METTL24: variants seen among roughly 807,000 people sequenced by gnomAD.
The protein encoded by METTL24 is methyltransferase like 24, also known as probable methyltransferase-like protein 24.
In METTL24, 29 loss-of-function variants were observed where a neutral mutation model predicts 32.7. The observed-to-expected ratio is 0.89, with a 90% CI of 0.66 to 1.21. The LOEUF is 1.21. Among genes scored for constraint, METTL24 ranks in the 50% most tolerant of loss-of-function variants. The pLI, the probability that METTL24 is intolerant of heterozygous loss-of-function variation, is 0.00. For missense variants in METTL24, 439 were observed against 468.1 expected, an observed-to-expected ratio of 0.94 and a Z score of 0.57; for synonymous variants, 163 against 179.5, an observed-to-expected ratio of 0.91 and a Z score of 0.73.
chr6:110,321,678 C>T (rs568599822), intron 2 of METTL24, among the ~76,000 whole-genome samples: 2 of 152,344 alleles, frequency 1.3e-5, no homozygotes, highest in South Asian at 4.1e-4. Context: ...ACTAATTCAA[C>T]AGCCCATCAC....
intron 1 of METTL24, among the ~76,000 whole-genome samples, chr6:110,327,373 G>T (rs114659667): frequency 0.011 from 1,612 of 152,260 alleles, 30 homozygotes; most frequent in African/African-American, 0.037. Flanking sequence ...GATCTTAAGG[G>T]TCCACAAATA....
At position 110,274,407 on chromosome 6, in the gene METTL24, GA is replaced by G. The variant is rs1771009039; in HGVS notation, c.786+24514del. Among the ~76,000 whole-genome samples the G allele has an allele frequency of 2.0e-5, 3 of 152,260 alleles. No homozygotes were observed. The South Asian group carries it at 6.2e-4, about 32-fold the overall frequency. On this transcript the variant is annotated intron_variant, in intron 4 of 4. Transcript: ENST00000338882. ...CATTATTCTAAATGAAGTAACTCAG[GA>G]ATGGAAAACCAAACATCAGATGTTC...
At chr6:110,275,315 T>C (rs1414074063) in intron 4 of METTL24, among the ~76,000 whole-genome samples, 2 of 152,108 alleles carry the variant, frequency 1.3e-5, no homozygotes, top group African/African-American at 2.4e-5. Flanking sequence ...TCTTGCCTCA[T>C]GTCCTTGCTC....
chr6:110,291,742 G>A (rs1234282499), intron 4 of METTL24, among the ~76,000 whole-genome samples: 2 of 151,912 alleles, frequency 1.3e-5, no homozygotes, highest in African/African-American at 2.4e-5. Context: ...CCCCTCTATG[G>A]GTCCATATGT....
In METTL24 at chr6:110,315,478, C is replaced by T. The variant is rs1415948009; in HGVS notation, c.421G>A (p.Ala141Thr). The T allele has an allele frequency of 1.2e-6, 2 of 1,613,754 alleles. No individual in the cohort carries two copies. The highest frequency in any genetic ancestry group is 1.7e-6 in the Non-Finnish European group (2 of 1,179,882). ...CTGTCTGTATTCATGTGATTGCATGCAATCTGTAAAGATTGGAAATCAATG... is the reference window on the plus strand; with the variant it reads ...CTGTCTGTATTCATGTGATTGCATGTAATCTGTAAAGATTGGAAATCAATG... ...FLRYISTTQI[A>T]CNHMNTDSLA... The change falls in exon 3 of 5, where the codon GCA becomes ACA. Residue 141 changes from alanine (A) to threonine (T), a missense_variant. Ala to Thr is a moderately conservative substitution (Grantham distance 58). Coordinates refer to ENST00000338882, the MANE Select transcript of METTL24 (RefSeq NM_001123364.3).
intron 3 of METTL24, among the ~76,000 whole-genome samples, chr6:110,301,140 G>C (rs1419503904): frequency 6.6e-6 from 1 of 152,148 alleles, no homozygotes; most frequent in Non-Finnish European, 1.5e-5. Flanking sequence ...TCAGCCCTCT[G>C]ATGTCCCTCC....
intron 1 of METTL24, among the ~76,000 whole-genome samples, chr6:110,354,175 A>G (rs975919760): frequency 1.3e-5 from 2 of 152,220 alleles, no homozygotes; most frequent in African/African-American, 4.8e-5. Context: ...CTTGAAGATT[A>G]GAACCCCTGA....
intron 1 of METTL24, among the ~76,000 whole-genome samples, chr6:110,354,910 AAACTT>A (rs1297737091): frequency 2.6e-5 from 4 of 152,244 alleles, no homozygotes; most frequent in Non-Finnish European, 5.9e-5. Flanking sequence ...AGGAGACTAA[AAACTT>A]AATATTTTAG....
At position 110,328,327 on chromosome 6, in the gene METTL24, C is replaced by A. The variant is rs866728079; in HGVS notation, c.319-5455G>T. On this transcript the variant is annotated intron_variant, in intron 1 of 4. Coordinates refer to ENST00000338882, the MANE Select transcript of METTL24 (RefSeq NM_001123364.3). ...CAGACAATGTGCATTGAAAAGTGAG[C>A]AGGCTTCTTCTAATGAGAGGCAAAT... 2.0e-5 allele frequency among the ~76,000 whole-genome samples: 3 copies of A among 152,216 alleles called. No individual in the cohort carries two copies. In the South Asian group the frequency reaches 6.2e-4, roughly 31 times the overall value.
chr6:110,317,112 T>G (rs1247243638), intron 2 of METTL24, among the ~76,000 whole-genome samples: 1 of 152,190 alleles, frequency 6.6e-6, no homozygotes, highest in Admixed American at 6.5e-5. Flanking sequence ...CTGGTAGGAT[T>G]TGGACATCTC....
chr6:110,249,870 C>A (rs1359801139), intron 4 of METTL24, among the ~76,000 whole-genome samples: 1 of 152,022 alleles, frequency 6.6e-6, no homozygotes, highest in Non-Finnish European at 1.5e-5. Context: ...GGTGAAACAA[C>A]TTAATTGGTA....
intron 1 of METTL24, among the ~76,000 whole-genome samples, chr6:110,327,710 G>A (rs985426487): frequency 6.6e-6 from 1 of 152,124 alleles, no homozygotes; most frequent in African/African-American, 2.4e-5. Flanking sequence ...ATCAACATTT[G>A]TCCTTCCCAA....
At chr6:110,339,653 A>G (rs557232025) in intron 1 of METTL24, among the ~76,000 whole-genome samples, 26 of 152,312 alleles carry the variant, frequency 1.7e-4, no homozygotes, top group African/African-American at 6.3e-4. Flanking sequence ...ACACACAACA[A>G]AAGATTGGCA....
chr6:110,273,557 C>T (rs1261368478), intron 4 of METTL24, among the ~76,000 whole-genome samples: 1 of 151,132 alleles, frequency 6.6e-6, no homozygotes, highest in African/African-American at 2.4e-5. Flanking sequence ...CAAAAAGTGG[C>T]CTAAGGACAC....
chr6:110,304,957 C>A (rs929199773), intron 3 of METTL24, among the ~76,000 whole-genome samples: 1 of 152,184 alleles, frequency 6.6e-6, no homozygotes, highest in Non-Finnish European at 1.5e-5. Flanking sequence ...AACAGCAGAT[C>A]TCTCTCTGCA....
chr6:110,340,972 T>C (rs1330854551), intron 1 of METTL24, among the ~76,000 whole-genome samples: 17 of 152,198 alleles, frequency 1.1e-4, no homozygotes, highest in Admixed American at 1.1e-3. Flanking sequence ...CAATTTCCCT[T>C]ACCCTACTTC....
chr6:110,353,059 A>G (rs1273880913), intron 1 of METTL24, among the ~76,000 whole-genome samples: 2 of 152,238 alleles, frequency 1.3e-5, no homozygotes, highest in Admixed American at 1.3e-4. Flanking sequence ...CTCTCTGAGG[A>G]ACTACGGGGT....
intron 4 of METTL24, among the ~76,000 whole-genome samples, chr6:110,292,710 A>AT (rs1246019184): frequency 2.6e-5 from 4 of 151,488 alleles, no homozygotes; most frequent in East Asian, 1.9e-4. Flanking sequence ...TAACTCCAGA[A>AT]TTTTTTTTTA....
At chr6:110,328,870 A>G (rs1160357404) in intron 1 of METTL24, among the ~76,000 whole-genome samples, 2 of 152,210 alleles carry the variant, frequency 1.3e-5, no homozygotes, top group Non-Finnish European at 2.9e-5. Flanking sequence ...AAAATTTGGA[A>G]TAACAGCTTC....
Sources: gnomAD v4.1 joint callset for allele counts (sites outside exome capture counted in the v4.1 genomes callset) on GRCh38, gnomAD v4.1.1 for gene constraint, MANE v1.5 for transcripts, NCBI Gene and HGNC (gene_info 2026-07-23, HGNC 2026-07-21) for gene names.